Variants in ACCSL observed in about 807,000 individuals in gnomAD.
ACCSL encodes the protein 1-aminocyclopropane-1-carboxylate synthase homolog (inactive) like.
ACCSL carries 55 observed loss-of-function variants against 61.7 expected under a neutral mutation model. The observed-to-expected ratio is 0.89, with a 90% CI of 0.72 to 1.12. The LOEUF is 1.12. Ranked by LOEUF, ACCSL falls within the 50% of genes most tolerant of loss-of-function variation. ACCSL has a pLI of 0.00. For missense variants in ACCSL, 632 were observed against 698.0 expected (o/e 0.91, Z 1.07); for synonymous variants, 258 against 264.3 (o/e 0.98, Z 0.23).
At chr11:43,925,582 G>A in the ACCSL span, 16 of 401,570 alleles carry the variant, frequency 4.0e-5, no homozygotes, top group African/African-American at 2.8e-4. Flanking sequence ...TTGCAAGGGG[G>A]TACATGCTCC....
chr11:44,016,920 A>G, the ACCSL span, among the ~76,000 whole-genome samples: 1 of 151,856 alleles, frequency 6.6e-6, no homozygotes, highest in Non-Finnish European at 1.5e-5. Flanking sequence ...TCTTATAGAG[A>G]CCCCTCCAGC....
the ACCSL span, among the ~76,000 whole-genome samples, chr11:44,029,081 C>T: frequency 0.011 from 1,680 of 152,312 alleles, 18 homozygotes; most frequent in South Asian, 0.027. Flanking sequence ...CCTATCTGGC[C>T]CCGCCATTGT....
chr11:43,925,424 A>G, the ACCSL span: 1 of 456,104 alleles, frequency 2.2e-6, no homozygotes, highest in Non-Finnish European at 4.4e-6. Context: ...TCCACGCTGC[A>G]CCAGCCAGGT....
chr11:44,050,581 G>A lies in ACCSL; in HGVS notation c.594G>A (p.Glu198=), dbSNP rs747051894. 6.2e-7 allele frequency: 1 copy of A among 1,614,068 alleles called. No homozygotes were observed. The highest frequency in any genetic ancestry group is 8.5e-7 in the Non-Finnish European group (1 of 1,180,000). ...AAGAAAGTGACATGAACTGCATTGA[G>A]GACACCTTGCTTCAGTACCCTGATT... ...RLQESDMNCI[E]DTLLQYPDWR... is the part of the protein sequence containing the mutation. The change falls in exon 3 of 14, where the codon GAG becomes GAA. Residue 198 remains glutamate (E), a synonymous_variant. Coordinates refer to ENST00000378832, the MANE Select transcript of ACCSL (RefSeq NM_001031854.2).
the ACCSL span, among the ~76,000 whole-genome samples, chr11:44,008,969 C>A: frequency 6.6e-6 from 1 of 152,170 alleles, no homozygotes; most frequent in East Asian, 1.9e-4. Context: ...GAGTTTGAGA[C>A]CAGCCTGGGC....
chr11:43,961,159 T>C, the ACCSL span, among the ~76,000 whole-genome samples: 1 of 152,182 alleles, frequency 6.6e-6, no homozygotes, highest in South Asian at 2.1e-4. Context: ...TTAATTTCAT[T>C]GTGGCCAGAT....
At chr11:44,023,789 A>G in the ACCSL span, among the ~76,000 whole-genome samples, 53 of 152,262 alleles carry the variant, frequency 3.5e-4, 1 homozygote, top group South Asian at 0.01. Flanking sequence ...GTTTATAGTT[A>G]TAAATTTTCC....
At chr11:44,058,206 A>AAAAC (rs1184032151) in intron 11 of ACCSL, 111 bp from the exon 12 acceptor site, 10 of 1,329,142 alleles carry the variant, frequency 7.5e-6, no homozygotes, top group African/African-American at 7.4e-5. Flanking sequence ...AAACAAAACA[A>AAAAC]AAACAAACAA....
chr11:44,008,782 A>G, the ACCSL span, among the ~76,000 whole-genome samples: 3 of 152,256 alleles, frequency 2.0e-5, no homozygotes, highest in Non-Finnish European at 4.4e-5. Flanking sequence ...GCACTGCCTG[A>G]GCACATCACC....
At position 44,048,208 on chromosome 11, in the gene ACCSL, A is replaced by G; in HGVS notation, c.172A>G (p.Arg58Gly). Residue 58 changes from arginine to glycine, a missense_variant, in exon 1 of 14, where the codon AGG becomes GGG. By Grantham distance (125) the Arg-to-Gly change is moderately radical. Transcript: ENST00000378832. ...TSRQGLSLEE[R>G]RHTEAICEHE... ...CAGACAGGGCCTGTCGCTGGAGGAA[A>G]GGAGGCACACTGAGGCCATCTGTGA... 6.2e-7 allele frequency: 1 copy of G among 1,614,170 alleles called. No homozygotes were observed. Among genetic ancestry groups the G allele is most frequent in the Non-Finnish European group, 8.5e-7 (1 of 1,180,044 alleles).
At chr11:43,965,520 T>A in the ACCSL span, among the ~76,000 whole-genome samples, 1 of 152,202 alleles carries the variant, frequency 6.6e-6, no homozygotes, top group Admixed American at 6.5e-5. Context: ...TAAGATACAA[T>A]ACTCCTCAAA....
At chr11:43,922,577 TG>T in the ACCSL span, among the ~76,000 whole-genome samples, 58 of 152,336 alleles carry the variant, frequency 3.8e-4, no homozygotes, top group Non-Finnish European at 4.7e-4. Flanking sequence ...CCCATTTCAT[TG>T]GGGAAGCTCC....
chr11:44,022,084 G>GCAAAA, the ACCSL span, among the ~76,000 whole-genome samples: 1 of 151,668 alleles, frequency 6.6e-6, no homozygotes, highest in East Asian at 1.9e-4. Context: ...GCTTAGTTTT[G>GCAAAA]CTGTAGCTAT....
At chr11:43,930,591 A>G in the ACCSL span, among the ~76,000 whole-genome samples, 2 of 152,108 alleles carry the variant, frequency 1.3e-5, no homozygotes, top group African/African-American at 4.8e-5. Flanking sequence ...ACTTTCTACC[A>G]TGAATAAAAG....
the ACCSL span, among the ~76,000 whole-genome samples, chr11:44,037,450 C>G: frequency 6.6e-6 from 1 of 152,350 alleles, no homozygotes; most frequent in East Asian, 1.9e-4. Flanking sequence ...ACTGGCTGCT[C>G]CTTGTCTGGC....
chr11:43,944,662 G>A, the ACCSL span: 2 of 152,404 alleles, frequency 1.3e-5, no homozygotes, highest in African/African-American at 4.8e-5. Flanking sequence ...CGCACTCCTG[G>A]TCCAGGACTC....
chr11:43,930,053 G>A, the ACCSL span, among the ~76,000 whole-genome samples: 1 of 152,182 alleles, frequency 6.6e-6, no homozygotes, highest in Admixed American at 6.5e-5. Flanking sequence ...CAGAGAAGGA[G>A]CAGCCCTGAG....
upstream of ACCSL, among the ~76,000 whole-genome samples, chr11:44,047,813 TTGAGGCCATGTACTCATTGCCCTAAA>T (rs1033915341): frequency 3.9e-5 from 6 of 152,234 alleles, no homozygotes; most frequent in African/African-American, 1.4e-4. Context: ...GTGTCTAGGC[TTGAGGCCATGTACTCATTGCCCTAAA>T]GAGTAGGTAA....
the ACCSL span, among the ~76,000 whole-genome samples, chr11:44,033,677 A>G: frequency 6.6e-6 from 1 of 152,180 alleles, no homozygotes; most frequent in South Asian, 2.1e-4. Flanking sequence ...TTGTGTCCCA[A>G]GCAGGATACC....
Sources: allele counts gnomAD v4.1 joint callset (sites outside exome capture counted in the v4.1 genomes callset), GRCh38; gene constraint gnomAD v4.1.1; transcripts MANE v1.5; gene names NCBI Gene and HGNC (gene_info 2026-07-23, HGNC 2026-07-21).